Variants in KIAA1958 observed in about 807,000 individuals in gnomAD.
KIAA1958 encodes uncharacterized protein KIAA1958.
In KIAA1958, 14 loss-of-function variants were observed where a neutral mutation model predicts 47.2. The observed-to-expected ratio is 0.30, with a 90% confidence interval of 0.20 to 0.46. The LOEUF (loss-of-function observed/expected upper bound fraction) is 0.46, where lower values mean the gene tolerates loss of function less well. Among genes scored for constraint, KIAA1958 ranks in the 20% least tolerant of loss-of-function variants. The probability of loss-of-function intolerance (pLI) is 1.00; values close to 1 mark genes in which losing one functional copy is unlikely to be tolerated. For synonymous variants in KIAA1958, 354 were observed against 353.3 expected (o/e 1.00, Z -0.02); for missense variants, 803 against 909.2 (o/e 0.88, Z 1.50).
intron 2 of KIAA1958, among the ~76,000 whole-genome samples, chr9:112,590,139 T>C (rs1464207949): frequency 6.6e-6 from 1 of 152,172 alleles, no homozygotes; most frequent in Non-Finnish European, 1.5e-5. Flanking sequence ...AAATGCAGAA[T>C]TTCAGGCCCT....
intron 1 of KIAA1958, among the ~76,000 whole-genome samples, chr9:112,523,601 T>C (rs565129135): frequency 6.6e-6 from 1 of 152,336 alleles, no homozygotes; most frequent in Admixed American, 6.5e-5. Context: ...GGAAGAATAA[T>C]CCTGAATTGG....
At chr9:112,624,386 A>G (rs766840307) in intron 2 of KIAA1958, among the ~76,000 whole-genome samples, 83 of 152,220 alleles carry the variant, frequency 5.5e-4, no homozygotes, top group Non-Finnish European at 1.9e-4. Flanking sequence ...TCTGGTTAAC[A>G]TGATATTGAG....
intron 1 of KIAA1958, among the ~76,000 whole-genome samples, chr9:112,508,579 A>G (rs1407750656): frequency 1.3e-5 from 2 of 152,216 alleles, no homozygotes; most frequent in African/African-American, 4.8e-5. Context: ...TCCACCATTT[A>G]ATTGAGCCCT....
intron 2 of KIAA1958, chr9:112,581,835 G>T: frequency 4.3e-6 from 1 of 232,918 alleles, no homozygotes. Context: ...ACACCACCAA[G>T]GTGAGGTGAA....
At chr9:112,655,696 A>C (rs1218590354) in intron 3 of KIAA1958, among the ~76,000 whole-genome samples, 2 of 152,172 alleles carry the variant, frequency 1.3e-5, no homozygotes, top group Non-Finnish European at 2.9e-5. Context: ...TTAAAAAGGG[A>C]ACTTGGAATG....
At chr9:112,632,322 G>C (rs1836723922) in intron 2 of KIAA1958, among the ~76,000 whole-genome samples, 1 of 151,636 alleles carries the variant, frequency 6.6e-6, no homozygotes, top group Non-Finnish European at 1.5e-5. Flanking sequence ...AATTTTTAAT[G>C]ACCACATGTA....
rs14783 is a variant in KIAA1958, at chr9:112,669,310, G to A, written c.*9241G>A. The A allele has an allele frequency of 6.6e-6, 1 of 151,860 alleles. No homozygotes were observed. The highest frequency in any genetic ancestry group is 1.5e-5 in the Non-Finnish European group (1 of 67,974). The allele number at this position is 151,860 out of a possible 1,614,324, so 9.4% of individuals were successfully genotyped here. On this transcript the variant is annotated 3_prime_UTR_variant, in exon 4 of 4. Coordinates refer to ENST00000337530, the MANE Select transcript of KIAA1958 (RefSeq NM_133465.4). ...AGGACCTGGGTTATATTTTAAAGGT[G>A]GTTGTTGTTGTTGTTTGGGTTCACT...
intron 2 of KIAA1958, among the ~76,000 whole-genome samples, chr9:112,581,611 C>A (rs1482859421): frequency 6.6e-6 from 1 of 152,172 alleles, no homozygotes; most frequent in East Asian, 1.9e-4. Context: ...AGCCTTATTT[C>A]CCTCACTCAT....
chr9:112,561,383 A>G (rs1337986792), intron 1 of KIAA1958, among the ~76,000 whole-genome samples: 4 of 152,142 alleles, frequency 2.6e-5, no homozygotes, highest in Non-Finnish European at 5.9e-5. Context: ...ATAGAACTGC[A>G]GCAAAATTAT....
intron 2 of KIAA1958, among the ~76,000 whole-genome samples, chr9:112,610,557 C>G (rs745660586): frequency 3.9e-5 from 6 of 152,096 alleles, no homozygotes; most frequent in African/African-American, 7.2e-5. Flanking sequence ...TAAGACATTA[C>G]TTTATACAAC....
At chr9:112,582,317 T>G (rs758074156) in intron 2 of KIAA1958, among the ~76,000 whole-genome samples, 31 of 152,178 alleles carry the variant, frequency 2.0e-4, no homozygotes, top group Admixed American at 3.9e-4. Context: ...TATTACACAT[T>G]TGCATGCCTG....
intron 3 of KIAA1958, 38 bp downstream of exon 3, chr9:112,645,860 C>T (rs1388193867): frequency 1.3e-6 from 2 of 1,581,754 alleles, no homozygotes; most frequent in East Asian, 2.3e-5. Context: ...CAGCCAACTT[C>T]ACTGAGCTTC....
intron 2 of KIAA1958, among the ~76,000 whole-genome samples, chr9:112,637,255 C>T (rs1162961349): frequency 2.0e-5 from 3 of 152,184 alleles, no homozygotes; most frequent in Admixed American, 1.3e-4. Context: ...TCATTCTTTT[C>T]TCATTAACTT....
chr9:112,623,036 A>G (rs1836538470), intron 2 of KIAA1958, among the ~76,000 whole-genome samples: 1 of 152,236 alleles, frequency 6.6e-6, no homozygotes, highest in South Asian at 2.1e-4. Flanking sequence ...CATGCAATTT[A>G]TCCATTATTT....
At chr9:112,497,064 A>G (rs751786444) in intron 1 of KIAA1958, among the ~76,000 whole-genome samples, 8 of 152,188 alleles carry the variant, frequency 5.3e-5, no homozygotes, top group Non-Finnish European at 1.2e-4. Context: ...AGATAATTGT[A>G]GATTCACTTA....
At chr9:112,506,977 T>C (rs1042787826) in intron 1 of KIAA1958, among the ~76,000 whole-genome samples, 17 of 152,242 alleles carry the variant, frequency 1.1e-4, no homozygotes, top group Admixed American at 8.5e-4. Context: ...TAATTCAACT[T>C]GAAGGTCACT....
At chr9:112,565,104 G>T (rs1835404643) in intron 1 of KIAA1958, among the ~76,000 whole-genome samples, 1 of 152,110 alleles carries the variant, frequency 6.6e-6, no homozygotes, top group Non-Finnish European at 1.5e-5. Flanking sequence ...TGAGTTTAAT[G>T]GTAGAAAGGC....
At chr9:112,533,966 G>C (rs1382079868) in intron 1 of KIAA1958, among the ~76,000 whole-genome samples, 1 of 152,178 alleles carries the variant, frequency 6.6e-6, no homozygotes, top group Non-Finnish European at 1.5e-5. Context: ...TATACATACT[G>C]TAAAATATGT....
intron 2 of KIAA1958, 97 bp downstream of exon 2, chr9:112,575,348 T>C (rs1835627932): frequency 1.3e-6 from 1 of 793,584 alleles, no homozygotes; most frequent in Admixed American, 2.8e-5. Context: ...TTGCTAGAAT[T>C]CAGTCCTTTG....
Sources: gnomAD v4.1 joint callset for allele counts (sites outside exome capture counted in the v4.1 genomes callset) on GRCh38, gnomAD v4.1.1 for gene constraint, MANE v1.5 for transcripts, NCBI Gene and HGNC (gene_info 2026-07-23, HGNC 2026-07-21) for gene names.